RSF1: variants seen among roughly 807,000 people sequenced by gnomAD.
RSF1 encodes the protein HBV pX-associated protein 8.
RSF1 carries 13 observed loss-of-function variants against 145.2 expected under a neutral mutation model. The observed-to-expected ratio is 0.09, with a 90% confidence interval of 0.06 to 0.14. The LOEUF (loss-of-function observed/expected upper bound fraction) is 0.14. RSF1 is among the 10% of genes least tolerant of loss of function. The pLI, the probability that RSF1 is intolerant of heterozygous loss-of-function variation, is 1.00. For missense variants in RSF1, 1,517 were observed against 1,718.2 expected (o/e 0.88, Z 2.07); for synonymous variants, 577 against 592.6 (o/e 0.97, Z 0.38).
In RSF1 at chr11:77,660,935, G is replaced by A. The variant is rs543598925; in HGVS notation, c.*5982C>T. 1 of 152,282 alleles carries A rather than the reference G, an allele frequency of 6.6e-6. No homozygotes were observed. The highest frequency in any genetic ancestry group is 1.5e-5 in the Non-Finnish European group (1 of 68,002). The allele number at this position is 152,282 out of a possible 1,614,324, so 9.4% of individuals were successfully genotyped here. A position where few individuals can be genotyped will look rare whatever the true frequency, so the allele number is the denominator to read the frequency against. On this transcript the variant is annotated 3_prime_UTR_variant, in exon 16 of 16. Transcript: ENST00000308488. ...AAATTATCAGATGGGAAAAAGTACTGACATTTAAACGAAGCTGTGAATATA... is the reference window on the plus strand; with the variant it reads ...AAATTATCAGATGGGAAAAAGTACTAACATTTAAACGAAGCTGTGAATATA...
chr11:77,861,689 G>A, the RSF1 span, among the ~76,000 whole-genome samples: 7 of 152,118 alleles, frequency 4.6e-5, no homozygotes, highest in Admixed American at 6.5e-5. Flanking sequence ...CTTGTAGACC[G>A]CACTGGAAGC....
chr11:77,790,135 T>C (rs1948502299), intron 1 of RSF1, among the ~76,000 whole-genome samples: 1 of 152,214 alleles, frequency 6.6e-6, no homozygotes, highest in Non-Finnish European at 1.5e-5. Flanking sequence ...GATAAAGACA[T>C]ACCTGAGACT....
intron 1 of RSF1, among the ~76,000 whole-genome samples, chr11:77,768,714 A>T (rs952908237): frequency 1.3e-5 from 2 of 152,206 alleles, no homozygotes; most frequent in Non-Finnish European, 2.9e-5. Context: ...TAGAACTGAC[A>T]AGCTGATAAT....
chr11:77,725,992 C>T (rs545088413), intron 4 of RSF1, among the ~76,000 whole-genome samples: 7 of 152,154 alleles, frequency 4.6e-5, no homozygotes, highest in Admixed American at 1.3e-4. Context: ...CAAAAATCAA[C>T]GTTTGATAAC....
intron 5 of RSF1, among the ~76,000 whole-genome samples, chr11:77,719,135 G>A (rs1369995550): frequency 6.6e-6 from 1 of 152,032 alleles, no homozygotes; most frequent in Admixed American, 6.5e-5. Context: ...TAGTCCCAGC[G>A]AGGCAGGAGG....
At chr11:77,825,555 A>C (rs1401319865), upstream of RSF1, among the ~76,000 whole-genome samples, 2 of 152,196 alleles carry the variant, frequency 1.3e-5, no homozygotes, top group South Asian at 4.1e-4. Context: ...AGATGTATGA[A>C]AATAAAAGGA....
At chr11:77,715,616 T>C (rs1365652307) in intron 5 of RSF1, among the ~76,000 whole-genome samples, 1 of 152,094 alleles carries the variant, frequency 6.6e-6, no homozygotes, top group Non-Finnish European at 1.5e-5. Flanking sequence ...CCCAGCTAAT[T>C]TTTGTAATTT....
At chr11:77,802,239 G>A (rs1050410770) in intron 1 of RSF1, among the ~76,000 whole-genome samples, 14 of 152,158 alleles carry the variant, frequency 9.2e-5, no homozygotes, top group African/African-American at 3.4e-4. Flanking sequence ...ACCTAAGAAG[G>A]AAGTTGTGAG....
chr11:77,818,183 C>A (rs563891476), intron 1 of RSF1, among the ~76,000 whole-genome samples: 92 of 152,242 alleles, frequency 6.0e-4, no homozygotes, highest in South Asian at 2.3e-3. Context: ...ACTTAGTGAA[C>A]CACTATTCAA....
chr11:77,714,343 T>G (rs746615821), intron 5 of RSF1, among the ~76,000 whole-genome samples: 8 of 152,208 alleles, frequency 5.3e-5, no homozygotes, highest in Non-Finnish European at 1.2e-4. Context: ...TATGGGGGAA[T>G]TGGTAGAGAC....
chr11:77,735,801 G>A (rs1003661173), intron 4 of RSF1, among the ~76,000 whole-genome samples: 5 of 152,106 alleles, frequency 3.3e-5, no homozygotes, highest in South Asian at 2.1e-4. Context: ...GTGCAGTGGC[G>A]CAATCTTGGC....
chr11:77,872,189 TG>T, the RSF1 span: 1 of 1,613,412 alleles, frequency 6.2e-7, no homozygotes, highest in South Asian at 1.1e-5. Flanking sequence ...CTTCATCAAC[TG>T]TGGAGTACCT....
the RSF1 span, among the ~76,000 whole-genome samples, chr11:77,826,911 C>T: frequency 6.6e-6 from 1 of 152,226 alleles, no homozygotes; most frequent in Admixed American, 6.5e-5. Flanking sequence ...TCGAGACCAG[C>T]CTGGCCAACA....
At chr11:77,717,926 G>A (rs1429600997) in intron 5 of RSF1, 2 of 152,130 alleles carry the variant, frequency 1.3e-5, no homozygotes, top group Non-Finnish European at 2.9e-5. Context: ...TATTCACTAC[G>A]AGCAAGAGTA....
chr11:77,723,060 T>C (rs1342656611), intron 5 of RSF1, among the ~76,000 whole-genome samples: 1 of 152,228 alleles, frequency 6.6e-6, no homozygotes, highest in Admixed American at 6.5e-5. Flanking sequence ...TGTGAATGAA[T>C]GACCAAAATG....
intron 1 of RSF1, among the ~76,000 whole-genome samples, chr11:77,771,089 A>AG (rs750823749): frequency 1.3e-5 from 2 of 152,334 alleles, no homozygotes; most frequent in Admixed American, 6.5e-5. Context: ...GAGAGGAATA[A>AG]GGGGGGAAGA....
chr11:77,779,708 A>G (rs1388171235), intron 1 of RSF1, among the ~76,000 whole-genome samples: 1 of 152,122 alleles, frequency 6.6e-6, no homozygotes, highest in Non-Finnish European at 1.5e-5. Context: ...GCTTAAATAT[A>G]CTATTGTCTT....
At chr11:77,720,333 C>T (rs1960915314) in intron 5 of RSF1, among the ~76,000 whole-genome samples, 1 of 152,148 alleles carries the variant, frequency 6.6e-6, no homozygotes, top group Admixed American at 6.5e-5. Flanking sequence ...GTTAGTTGGG[C>T]TTCCCTCAGC....
chr11:77,698,301 T>C (rs1420812436), intron 7 of RSF1, among the ~76,000 whole-genome samples, 186 bp downstream of exon 7: 1 of 152,222 alleles, frequency 6.6e-6, no homozygotes, highest in Non-Finnish European at 1.5e-5. Context: ...AGAATGAAAG[T>C]AGGATCTTGA....
Sources: gnomAD v4.1 joint callset for allele counts (sites outside exome capture counted in the v4.1 genomes callset) on GRCh38, gnomAD v4.1.1 for gene constraint, MANE v1.5 for transcripts, NCBI Gene and HGNC (gene_info 2026-07-23, HGNC 2026-07-21) for gene names.